TENM4: variants seen among roughly 807,000 people sequenced by gnomAD.
The protein encoded by TENM4 is teneurin transmembrane protein 4.
TENM4 carries 82 observed loss-of-function variants against 243.3 expected under a neutral mutation model. The ratio of observed to expected loss-of-function variants is 0.34; its 90% CI spans 0.28 to 0.40. The LOEUF (loss-of-function observed/expected upper bound fraction) is 0.40, where lower values mean the gene tolerates loss of function less well. TENM4 is among the 10% of genes least tolerant of loss of function. The probability of loss-of-function intolerance (pLI) is 1.00; values close to 1 mark genes in which losing one functional copy is unlikely to be tolerated. For missense variants in TENM4, 3,138 were observed against 3,673.3 expected, an observed-to-expected ratio of 0.85 and a Z score of 3.77; for synonymous variants, 1,412 against 1,456.3, an observed-to-expected ratio of 0.97 and a Z score of 0.69.
chr11:79,075,258 C>T (rs1860511805), intron 4 of TENM4, among the ~76,000 whole-genome samples: 1 of 152,234 alleles, frequency 6.6e-6, no homozygotes. Context: ...AAATAACTGG[C>T]TTGCAGTCAC....
intron 6 of TENM4, among the ~76,000 whole-genome samples, chr11:78,974,329 GTGAT>G (rs1857605101): frequency 1.3e-5 from 2 of 152,250 alleles, no homozygotes; most frequent in East Asian, 3.9e-4. Flanking sequence ...ATGATCTCAT[GTGAT>G]CCTTACCACA....
Position 79,205,435 on chromosome 11 carries a change from C to G in TENM4, c.-163+10373G>C, listed in dbSNP as rs1863833391. On this transcript the variant is annotated intron_variant, in intron 3 of 33. Coordinates refer to ENST00000278550, the MANE Select transcript of TENM4 (RefSeq NM_001098816.3). ...TCGAGATACAGAACGTCTCCACAGG[C>G]AAGGATCCTCATGTGTCCTTTTATC... is the stretch of plus-strand genomic sequence containing the variant. Among the ~76,000 whole-genome samples the G allele has an allele frequency of 2.0e-5, 3 of 152,202 alleles. No homozygotes were observed. The South Asian group carries it at 6.2e-4, about 32-fold the overall frequency.
intron 1 of TENM4, among the ~76,000 whole-genome samples, chr11:79,300,751 T>C (rs1183003996): frequency 6.6e-6 from 1 of 152,260 alleles, no homozygotes. Flanking sequence ...GAATTGCATG[T>C]TCGTTATGCT....
At chr11:79,277,050 GTGCTGGTGGGAATTCTTC>G (rs1856069207) in intron 2 of TENM4, among the ~76,000 whole-genome samples, 1 of 152,118 alleles carries the variant, frequency 6.6e-6, no homozygotes, top group African/African-American at 2.4e-5. Context: ...TTTTTTGGCT[GTGCTGGTGGGAATTCTTC>G]TGCTTACAGT....
rs1858844082 is a variant in TENM4 at position 79,417,520 on chromosome 11, T to C, written c.-321+22989A>G. 2.0e-5 allele frequency among the ~76,000 whole-genome samples: 3 copies of C among 151,980 alleles called. No individual in the cohort carries two copies. In the South Asian group the frequency reaches 6.2e-4, roughly 32 times the overall value. ...CATAGCAAAGAGAGCTGTACCTGAGTAGAAGAAGTTTCAACTTCGCATTCT... is the reference window on the plus strand; with the variant it reads ...CATAGCAAAGAGAGCTGTACCTGAGCAGAAGAAGTTTCAACTTCGCATTCT... On this transcript the variant is annotated intron_variant, in intron 1 of 33. Coordinates refer to ENST00000278550, the MANE Select transcript of TENM4 (RefSeq NM_001098816.3).
chr11:78,889,704 C>T (rs1284400936), intron 9 of TENM4, 81 bp downstream of exon 9: 6 of 1,417,894 alleles, frequency 4.2e-6, no homozygotes, highest in Non-Finnish European at 5.8e-6. Flanking sequence ...TAGTAAGGAG[C>T]CTTCAGTGCC....
chr11:79,133,368 C>T (rs1862048101), intron 4 of TENM4, among the ~76,000 whole-genome samples: 1 of 151,996 alleles, frequency 6.6e-6, no homozygotes, highest in African/African-American at 2.4e-5. Context: ...AAAAAATTAC[C>T]AACAACAAAG....
intron 23 of TENM4, 57 bp downstream of exon 23, chr11:78,726,022 G>C: frequency 6.2e-7 from 1 of 1,602,890 alleles, no homozygotes; most frequent in Middle Eastern, 1.7e-4. Context: ...GGGCACAAGG[G>C]ATATGAGACA....
At chr11:79,257,210 G>A (rs1255188663) in intron 2 of TENM4, among the ~76,000 whole-genome samples, 1 of 152,096 alleles carries the variant, frequency 6.6e-6, no homozygotes, top group East Asian at 1.9e-4. Flanking sequence ...TATCAGACTG[G>A]GGCCCAAGGT....
At chr11:79,085,588 A>G (rs974895903) in intron 4 of TENM4, among the ~76,000 whole-genome samples, 2 of 152,284 alleles carry the variant, frequency 1.3e-5, no homozygotes, top group Middle Eastern at 3.4e-3. Flanking sequence ...AGAAAGGCTC[A>G]ATCCTATGCT....
intron 2 of TENM4, among the ~76,000 whole-genome samples, chr11:79,216,629 A>G (rs1323569735): frequency 6.6e-6 from 1 of 152,146 alleles, no homozygotes; most frequent in African/African-American, 2.4e-5. Flanking sequence ...GAGTTATCTC[A>G]ATCATGGGTT....
chr11:79,287,492 C>A (rs1399155749), intron 2 of TENM4, among the ~76,000 whole-genome samples: 1 of 152,142 alleles, frequency 6.6e-6, no homozygotes, highest in East Asian at 1.9e-4. Context: ...TTCTGTAGAT[C>A]ATGAATGTCT....
At chr11:78,943,325 G>A (rs180958833) in intron 6 of TENM4, among the ~76,000 whole-genome samples, 19 of 152,300 alleles carry the variant, frequency 1.2e-4, no homozygotes, top group African/African-American at 4.6e-4. Context: ...CTTGACTCTT[G>A]GAAGAAGTGA....
Position 78,655,813 on chromosome 11 carries a change from G to T in TENM4, c.*2245C>A, listed in dbSNP as rs779864919. ...TTTTGAGAGGCGTAAGTCCCTTCTG[G>T]AGGACAAAACTTGTGTTCTTCAGGC... On this transcript the variant is annotated 3_prime_UTR_variant, in exon 34 of 34. Transcript: ENST00000278550. 1.3e-5 allele frequency: 2 copies of T among 152,186 alleles called. No individual in the cohort carries two copies. The highest frequency in any genetic ancestry group is 4.8e-5 in the African/African-American group (2 of 41,444). 9.4% of individuals were successfully genotyped at this position (152,186 alleles called of 1,614,324 possible).
At chr11:78,906,171 G>A (rs1856059735) in intron 6 of TENM4, among the ~76,000 whole-genome samples, 1 of 152,220 alleles carries the variant, frequency 6.6e-6, no homozygotes, top group African/African-American at 2.4e-5. Context: ...TGGAGCATCT[G>A]TAATGTGTGC....
intron 6 of TENM4, among the ~76,000 whole-genome samples, chr11:78,951,270 A>G (rs747034438): frequency 2.0e-5 from 3 of 152,250 alleles, no homozygotes; most frequent in Non-Finnish European, 4.4e-5. Flanking sequence ...ATGAGGTCTG[A>G]CCAGAGTTCA....
At chr11:79,245,075 G>A (rs1169139216) in intron 2 of TENM4, among the ~76,000 whole-genome samples, 1 of 152,186 alleles carries the variant, frequency 6.6e-6, no homozygotes, top group Non-Finnish European at 1.5e-5. Flanking sequence ...ACCCAGCTCT[G>A]TACATGCCAA....
chr11:78,912,654 G>A lies in TENM4; in HGVS notation c.494-9131C>T, dbSNP rs550556981. ...TGAGGTTCCTCAACCATCAGTGAATGTTCTCTAGGATAGGACTGGGGGAGA... is the reference window on the plus strand; with the variant it reads ...TGAGGTTCCTCAACCATCAGTGAATATTCTCTAGGATAGGACTGGGGGAGA... On this transcript the variant is annotated intron_variant, in intron 6 of 33. Transcript: ENST00000278550. Among the ~76,000 whole-genome samples, 3 of 152,364 alleles carry A rather than the reference G, an allele frequency of 2.0e-5. No individual in the cohort carries two copies. The South Asian group carries it at 6.2e-4, about 32-fold the overall frequency.
chr11:79,142,908 G>T (rs548197643), intron 4 of TENM4, among the ~76,000 whole-genome samples: 10 of 152,030 alleles, frequency 6.6e-5, no homozygotes, highest in Admixed American at 5.9e-4. Context: ...AGTAAATGGT[G>T]CTGGGACATG....
Sources: allele counts gnomAD v4.1 joint callset (sites outside exome capture counted in the v4.1 genomes callset), GRCh38; gene constraint gnomAD v4.1.1; transcripts MANE v1.5; gene names NCBI Gene and HGNC (gene_info 2026-07-23, HGNC 2026-07-21).